The following MATR3 variants were observed in gnomAD, a reference collection of about 807,000 sequenced individuals.
MATR3 encodes matrin 3.
MATR3 carries 4 observed loss-of-function variants against 85.5 expected under a neutral mutation model. The ratio of observed to expected loss-of-function variants is 0.05; its 90% CI spans 0.02 to 0.11. The LOEUF (loss-of-function observed/expected upper bound fraction) is 0.11. MATR3 is among the 10% of genes least tolerant of loss of function. The pLI, the probability that MATR3 is intolerant of heterozygous loss-of-function variation, is 1.00. For missense variants in MATR3, 685 were observed against 1,016.1 expected (o/e 0.67, Z 4.43); for synonymous variants, 336 against 343.1 (o/e 0.98, Z 0.23).
intron 3 of MATR3, among the ~76,000 whole-genome samples, chr5:139,286,795 G>A (rs1190813961): frequency 6.7e-6 from 1 of 150,074 alleles, no homozygotes. Context: ...AGTGAGCCAA[G>A]ATCATGCCAC....
intron 2 of MATR3, chr5:139,313,346 T>A (rs1457353553): frequency 1.5e-4 from 18 of 120,000 alleles, no homozygotes; most frequent in African/African-American, 3.9e-4. Flanking sequence ...TTTTTTTTTT[T>A]AGCACATTCC....
chr5:139,287,977 A>G (rs182996684), intron 3 of MATR3, among the ~76,000 whole-genome samples: 7 of 152,158 alleles, frequency 4.6e-5, no homozygotes, highest in African/African-American at 1.7e-4. Flanking sequence ...TTGGGAGGCC[A>G]AGGCAGCCAG....
intron 8 of MATR3, 64 bp from the exon 9 acceptor site, chr5:139,319,270 T>A: frequency 6.8e-7 from 1 of 1,474,468 alleles, no homozygotes; most frequent in Non-Finnish European, 9.5e-7. Context: ...AAGACTAGGA[T>A]GTTTTTAACT....
chr5:139,310,996 C>G (rs981017719), intron 2 of MATR3: 1 of 152,182 alleles, frequency 6.6e-6, no homozygotes, highest in Admixed American at 6.6e-5. Flanking sequence ...CAGGGTTTCT[C>G]CATGTTGGTC....
rs763641047 is a variant in MATR3 at position 139,322,516 on chromosome 5, TTTTG to T, written c.1778+14_1778+17del. On this transcript the variant is annotated intron_variant, in intron 11 of 14. Transcript: ENST00000394805. ...AAAAAGATAAATCCCGGTAATTTCA[TTTTG>T]TTTTTCATATGTGTGAGTATATTCA... The T allele has an allele frequency of 1.3e-6, 2 of 1,584,844 alleles. No individual in the cohort carries two copies. The highest frequency in any genetic ancestry group is 1.7e-6 in the Non-Finnish European group (2 of 1,155,798).
intron 2 of MATR3, among the ~76,000 whole-genome samples, chr5:139,309,117 CT>C (rs1461900341): frequency 2.0e-5 from 3 of 152,154 alleles, no homozygotes; most frequent in Non-Finnish European, 4.4e-5. Context: ...TTCTCCTTTG[CT>C]TTAATTATCA....
chr5:139,281,781 T>C (rs575034420), intron 3 of MATR3, among the ~76,000 whole-genome samples: 17 of 152,288 alleles, frequency 1.1e-4, no homozygotes, highest in African/African-American at 3.6e-4. Context: ...AGTGCCTCTT[T>C]TCATTGCTTA....
rs75966147 is a variant in MATR3 at position 139,280,312 on chromosome 5, A to G, written c.-178+1183A>G. Among the ~76,000 whole-genome samples the G allele has an allele frequency of 8.2e-3, 1,251 of 152,358 alleles. 16 individuals carry two copies. Among genetic ancestry groups the G allele is most frequent in the African/African-American group, 0.028 (1,175 of 41,594 alleles). On this transcript the variant is annotated intron_variant, in intron 3 of 16. Coordinates refer to ENST00000509990, the Ensembl canonical transcript of MATR3. ...GCAGGCTGGAATTGGCCCATAGGCT[A>G]TGGTTTGCCAACCTCTGTCCTGGAG...
At chr5:139,318,340 G>C (rs1755361336) in intron 7 of MATR3, among the ~76,000 whole-genome samples, 1 of 152,148 alleles carries the variant, frequency 6.6e-6, no homozygotes, top group African/African-American at 2.4e-5. Flanking sequence ...CACCATGTTG[G>C]CCAGGCTGGT....
chr5:139,308,272 C>A lies in MATR3; in HGVS notation c.857C>A (p.Pro286Gln), dbSNP rs1318047828. 6.2e-7 allele frequency: 1 copy of A among 1,613,920 alleles called. No individual in the cohort carries two copies. Among genetic ancestry groups the A allele is most frequent in the African/African-American group, 1.3e-5 (1 of 74,922 alleles). The change falls in exon 2 of 15, where the codon CCG (proline) becomes CAG (glutamine). Residue 286 changes from proline to glutamine, a missense_variant. Transcript: ENST00000394805. ...ATTGAAGACTTCCATGGACTCTTAC[C>A]GAAGGGTTATCCCCATCTGTGCTCT... Reference protein sequence around the residue: ...SNIEDFHGLLPKGYPHLCSIC... With the variant: ...SNIEDFHGLLQKGYPHLCSIC...
intron 12 of MATR3, among the ~76,000 whole-genome samples, chr5:139,323,305 A>G (rs1755674008): frequency 6.6e-6 from 1 of 151,990 alleles, no homozygotes; most frequent in South Asian, 2.1e-4. Context: ...AAAATACAGG[A>G]CGTGAGTTTG....
chr5:139,307,849 T>C lies in MATR3; in HGVS notation c.434T>C (p.Leu145Pro), dbSNP rs1754788270. The change falls in exon 2 of 15, where the codon CTT (leucine) becomes CCT (proline). Residue 145 changes from leucine (L) to proline (P), a missense_variant. Physicochemically the swap from Leu to Pro is moderately conservative, Grantham distance 98 (BLOSUM62 -3). Around this residue, in one of 9 missense-constraint regions of MATR3, gnomAD observed 223 missense variants for 334.4 expected, o/e 0.67. Coordinates refer to ENST00000394805, the MANE Select transcript of MATR3 (RefSeq NM_018834.6). The surrounding 1 kb of genome is among the most constrained non-coding windows in gnomAD (Gnocchi z 4.4). ...PENLPQILLQ[L>P]KRRRTEEGPT... Reference sequence around the variant, plus strand: ...AATTTGCCCCAAATCCTTCTACAGCTTAAAAGGAGGAGAACTGAAGAAGGC... The same window carrying C: ...AATTTGCCCCAAATCCTTCTACAGCCTAAAAGGAGGAGAACTGAAGAAGGC... 1.2e-6 allele frequency: 2 copies of C among 1,613,880 alleles called. No individual in the cohort carries two copies. Among genetic ancestry groups the C allele is most frequent in the African/African-American group, 1.3e-5 (1 of 74,850 alleles).
intron 13 of MATR3, 66 bp from the exon 14 acceptor site, chr5:139,326,097 G>T (rs1156906633): frequency 2.3e-6 from 3 of 1,302,172 alleles, no homozygotes; most frequent in Non-Finnish European, 3.3e-6. Context: ...ATGTTGACAG[G>T]TGAAATTGTG....
intron 1 of MATR3, among the ~76,000 whole-genome samples, chr5:139,304,327 C>G (rs939165614): frequency 2.0e-5 from 3 of 151,744 alleles, no homozygotes; most frequent in Admixed American, 6.6e-5. Context: ...ATGGAGAAAC[C>G]CCGTCTCTAC....
upstream of MATR3, chr5:139,293,696 C>A: frequency 3.1e-6 from 1 of 322,124 alleles, no homozygotes; most frequent in Non-Finnish European, 5.6e-6. Context: ...GGGCTGCAGC[C>A]GCTGCCGCCG....
At chr5:139,276,525 G>A (rs1405658613) in intron 2 of MATR3, among the ~76,000 whole-genome samples, 1 of 152,184 alleles carries the variant, frequency 6.6e-6, no homozygotes, top group Non-Finnish European at 1.5e-5. Flanking sequence ...GGAAAAGCTT[G>A]CATTAAGGTT....
At chr5:139,314,964 A>G in intron 3 of MATR3, 1 of 466,324 alleles carries the variant, frequency 2.1e-6, no homozygotes, top group Non-Finnish European at 3.9e-6. Flanking sequence ...GGATACATAT[A>G]TATTGGTCAT....
intron 9 of MATR3, among the ~76,000 whole-genome samples, chr5:139,319,776 G>T (rs1581251648): frequency 6.6e-6 from 1 of 151,024 alleles, no homozygotes; most frequent in East Asian, 1.9e-4. Context: ...GGCAGGGGGC[G>T]GAGGTTGCAG....
rs1480588706 is a variant in MATR3, at chr5:139,307,637, T to G, written c.222T>G (p.Ser74=). The G allele has an allele frequency of 6.2e-7, 1 of 1,614,224 alleles. No individual in the cohort carries two copies. The highest frequency in any genetic ancestry group is 1.7e-5 in the Admixed American group (1 of 60,020). Residue 74 remains serine, a synonymous_variant, in exon 2 of 15, where the codon TCT becomes TCG. Transcript: ENST00000394805. This position sits in a 1 kb window ranked among gnomAD's most constrained non-coding sequence, Gnocchi z 4.4. ...AACAAGGAGCTCATAGTGCACTGTC[T>G]TCTGCTAGTACTTCTTCCCATAATT... ...LNQQGAHSAL[S]SASTSSHNLQ...
Sources: allele counts gnomAD v4.1 joint callset (sites outside exome capture counted in the v4.1 genomes callset), GRCh38; gene constraint gnomAD v4.1.1; regional missense constraint gnomAD v4.1.1; non-coding constraint Gnocchi (gnomAD v3.1); transcripts MANE v1.5; gene names NCBI Gene and HGNC (gene_info 2026-07-23, HGNC 2026-07-21).